The following VASN variants were observed in gnomAD, a reference collection of about 807,000 sequenced individuals.
VASN encodes vasorin, also known as protein slit-like 2.
In VASN, 5 loss-of-function variants were observed where a neutral mutation model predicts 4.8. The observed-to-expected ratio is 1.03, with a 90% CI of 0.54 to 2.17. VASN has a LOEUF of 2.17. Among genes scored for constraint, VASN ranks in the 30% most tolerant of loss-of-function variants. The pLI is 0.01. For missense variants in VASN, 927 were observed against 948.8 expected, an observed-to-expected ratio of 0.98 and a Z score of 0.30; for synonymous variants, 499 against 460.8, an observed-to-expected ratio of 1.08 and a Z score of -1.06.
chr16:4,374,625 CG>C (rs1475068272), intron 1 of VASN, among the ~76,000 whole-genome samples: 1 of 152,004 alleles, frequency 6.6e-6, no homozygotes, highest in African/African-American at 2.4e-5. Flanking sequence ...GAGAGCAGTG[CG>C]GGGGCAGGGT....
In VASN at chr16:4,382,203, G is replaced by A; in HGVS notation, c.1326G>A (p.Glu442=). The part of the protein sequence containing the change: ...CPEGFTGLYC[E]SQMGQGTRPS... Reference sequence around the variant, plus strand: ...AAGGCTTCACGGGCCTGTACTGTGAGAGCCAGATGGGGCAGGGGACACGGC... The same window carrying A: ...AAGGCTTCACGGGCCTGTACTGTGAAAGCCAGATGGGGCAGGGGACACGGC... The change falls in exon 2 of 2, where the codon GAG becomes GAA. Residue 442 remains glutamate (E), a synonymous_variant. Coordinates refer to ENST00000304735, the MANE Select transcript of VASN (RefSeq NM_138440.3). 6.2e-7 allele frequency: 1 copy of A among 1,602,938 alleles called. No individual in the cohort carries two copies.
chr16:4,372,210 G>C (rs2054561199), intron 1 of VASN, among the ~76,000 whole-genome samples: 1 of 152,124 alleles, frequency 6.6e-6, no homozygotes, highest in Non-Finnish European at 1.5e-5. Flanking sequence ...GCCGGCCAGG[G>C]TGCGCGCCTG....
At chr16:4,372,259 T>C (rs2054562994) in intron 1 of VASN, among the ~76,000 whole-genome samples, 1 of 152,138 alleles carries the variant, frequency 6.6e-6, no homozygotes, top group Admixed American at 6.5e-5. Flanking sequence ...GCAGACAAAA[T>C]AAACACCCCG....
At position 4,382,308 on chromosome 16, in the gene VASN, C is replaced by T. The variant is rs777494126; in HGVS notation, c.1431C>T (p.Arg477=). 2 of 1,610,650 alleles carry T rather than the reference C, an allele frequency of 1.2e-6. No individual in the cohort carries two copies. The highest frequency in any genetic ancestry group is 1.7e-5 in the Admixed American group (1 of 59,810). Residue 477 remains arginine (R), a synonymous_variant, in exon 2 of 2, where the codon CGC becomes CGT. Transcript: ENST00000304735. ...GIEPVSPTSL[R]VGLQRYLQGS... is the part of the protein sequence containing the mutation. Reference sequence around the variant, plus strand: ...AGCCGGTGAGCCCCACCTCCCTGCGCGTGGGGCTGCAGCGCTACCTCCAGG... The same window carrying T: ...AGCCGGTGAGCCCCACCTCCCTGCGTGTGGGGCTGCAGCGCTACCTCCAGG...
intron 1 of VASN, among the ~76,000 whole-genome samples, chr16:4,375,663 T>G (rs1409304760): frequency 6.6e-6 from 1 of 152,218 alleles, no homozygotes; most frequent in Non-Finnish European, 1.5e-5. Flanking sequence ...AATTTTTTTG[T>G]ATTTTTAGTA....
chr16:4,377,662 C>A (rs1043705967), intron 1 of VASN, among the ~76,000 whole-genome samples: 6 of 152,212 alleles, frequency 3.9e-5, no homozygotes, highest in Non-Finnish European at 8.8e-5. Context: ...CCTCTCGGGG[C>A]TGGCTGATGG....
intron 1 of VASN, among the ~76,000 whole-genome samples, chr16:4,372,938 C>A (rs1398806077): frequency 6.6e-6 from 1 of 152,160 alleles, no homozygotes; most frequent in Admixed American, 6.5e-5. Flanking sequence ...AGCCCCCTTC[C>A]CCAGGCTGAG....
At position 4,381,102 on chromosome 16, in the gene VASN, G is replaced by A. The variant is rs751136720; in HGVS notation, c.225G>A (p.Leu75=). The change falls in exon 2 of 2, where the codon CTG becomes CTA. Residue 75 remains leucine, a synonymous_variant. Coordinates refer to ENST00000304735, the MANE Select transcript of VASN (RefSeq NM_138440.3). ...TCGACGCAGGCAGCTTTGCCGGCCTGCCGGGCCTGCAGCTCCTGGACCTGT... is the reference window on the plus strand; with the variant it reads ...TCGACGCAGGCAGCTTTGCCGGCCTACCGGGCCTGCAGCTCCTGGACCTGT... ...TMLDAGSFAG[L]PGLQLLDLSQ... 104 of 1,607,558 alleles carry A rather than the reference G, an allele frequency of 6.5e-5. No homozygotes were observed. The highest frequency in any genetic ancestry group is 7.2e-5 in the Non-Finnish European group (85 of 1,177,952).
rs534383988 is a variant in VASN at position 4,381,910 on chromosome 16, G to A, written c.1033G>A (p.Ala345Thr). The A allele has an allele frequency of 4.0e-5, 65 of 1,605,848 alleles. No individual in the cohort carries two copies. Among genetic ancestry groups the A allele is most frequent in the South Asian group, 2.6e-4 (24 of 90,798 alleles). Residue 345 changes from alanine (A) to threonine (T), a missense_variant, in exon 2 of 2, where the codon GCC becomes ACC. Coordinates refer to ENST00000304735, the MANE Select transcript of VASN (RefSeq NM_138440.3). ...AGRLLLELDYADFGCPATTTT... is the reference protein window; with the variant it reads ...AGRLLLELDYTDFGCPATTTT... ...CCGGCTGCTCCTGGAGCTTGACTAC[G>A]CCGACTTTGGCTGCCCAGCCACCAC...
intron 1 of VASN, among the ~76,000 whole-genome samples, chr16:4,378,063 C>T (rs1323105065): frequency 1.3e-5 from 2 of 152,194 alleles, no homozygotes; most frequent in African/African-American, 2.4e-5. Context: ...TATGGCTGGT[C>T]CCCCTCCCCA....
rs771045800 is a variant in VASN at position 4,381,502 on chromosome 16, G to A, written c.625G>A (p.Glu209Lys). ...LAGLGLQQLD[E>K]GLFSRLRNLH... The stretch of plus-strand genomic sequence containing the variant: ...TGGTCTGGGGCTGCAGCAGCTGGAC[G>A]AGGGGCTCTTCAGCCGCTTGCGCAA... The change falls in exon 2 of 2, where the codon GAG becomes AAG. Residue 209 changes from glutamate to lysine, a missense_variant. Physicochemically the swap from Glu to Lys is moderately conservative, Grantham distance 56. Transcript: ENST00000304735. 43 of 1,592,626 alleles carry A rather than the reference G, an allele frequency of 2.7e-5. No individual in the cohort carries two copies. Among genetic ancestry groups the A allele is most frequent in the Non-Finnish European group, 2.7e-5 (32 of 1,171,252 alleles).
chr16:4,372,385 C>T (rs886861), intron 1 of VASN, among the ~76,000 whole-genome samples: 4,688 of 152,332 alleles, frequency 0.031, 226 homozygotes, highest in African/African-American at 0.11. Context: ...TCCTGGGGTC[C>T]GGCAGTAGGT....
At chr16:4,375,488 G>C (rs1016256906) in intron 1 of VASN, among the ~76,000 whole-genome samples, 8 of 151,630 alleles carry the variant, frequency 5.3e-5, no homozygotes, top group African/African-American at 1.7e-4. Context: ...CTCACTCCTA[G>C]ACATTCTTTT....
At position 4,381,137 on chromosome 16, in the gene VASN, A is replaced by G. The variant is rs558651885; in HGVS notation, c.260A>G (p.Gln87Arg). ...GLQLLDLSQN[Q>R]IASLPSGVFQ... is the part of the protein sequence containing the mutation. ...CAGCTCCTGGACCTGTCACAGAACCAGATCGCCAGCCTGCCCAGCGGGGTC... is the reference window on the plus strand; with the variant it reads ...CAGCTCCTGGACCTGTCACAGAACCGGATCGCCAGCCTGCCCAGCGGGGTC... The change falls in exon 2 of 2, where the codon CAG (glutamine) becomes CGG (arginine). Residue 87 changes from glutamine (Q) to arginine (R), a missense_variant. Coordinates refer to ENST00000304735, the MANE Select transcript of VASN (RefSeq NM_138440.3). 107 of 1,610,490 alleles carry G rather than the reference A, an allele frequency of 6.6e-5. 2 individuals carry two copies. The East Asian group carries it at 2.4e-3, about 36-fold the overall frequency.
chr16:4,377,818 C>A (rs1203700744), intron 1 of VASN, among the ~76,000 whole-genome samples: 2 of 152,208 alleles, frequency 1.3e-5, no homozygotes, highest in Non-Finnish European at 2.9e-5. Context: ...CAAAAGAGCT[C>A]ACCGCACATT....
intron 1 of VASN, among the ~76,000 whole-genome samples, chr16:4,375,279 GAAGACCCTGTGCCTGCCCCTCT>G (rs1860276263): frequency 6.6e-6 from 1 of 152,160 alleles, no homozygotes. Context: ...AGGGAGGAGG[GAAGACCCTGTGCCTGCCCCTCT>G]CCCAGCCCTG....
intron 1 of VASN, among the ~76,000 whole-genome samples, chr16:4,379,880 TAA>T (rs34020450): frequency 6.4e-5 from 7 of 109,174 alleles, no homozygotes; most frequent in Admixed American, 1.9e-4. Flanking sequence ...CTGTCTCTAC[TAA>T]AAAAAAAAAA....
Position 4,383,070 on chromosome 16 carries a change from G to GT in VASN, c.*172dup. The GT allele has an allele frequency of 1.4e-6, 1 of 707,954 alleles. No homozygotes were observed. Among genetic ancestry groups the GT allele is most frequent in the Non-Finnish European group, 2.2e-6 (1 of 447,440 alleles). 43.9% of individuals were successfully genotyped at this position (707,954 alleles called of 1,614,324 possible). A position where few individuals can be genotyped will look rare whatever the true frequency, so the allele number is the denominator to read the frequency against. Reference sequence around the variant, plus strand: ...CCTCTGGACCTCGGTCTCCTCATCTGTGAGATGCTGTGGCCCAGCTGACGA... The same window carrying GT: ...CCTCTGGACCTCGGTCTCCTCATCTGTTGAGATGCTGTGGCCCAGCTGACGA... On this transcript the variant is annotated 3_prime_UTR_variant, in exon 2 of 2. Transcript: ENST00000304735.
chr16:4,381,539 T>C lies in VASN; in HGVS notation c.662T>C (p.Leu221Pro). 3 of 1,604,778 alleles carry C rather than the reference T, an allele frequency of 1.9e-6. No individual in the cohort carries two copies. Among genetic ancestry groups the C allele is most frequent in the Non-Finnish European group, 2.5e-6 (3 of 1,176,578 alleles). Residue 221 changes from leucine (L) to proline (P), a missense_variant, in exon 2 of 2, where the codon CTG (leucine) becomes CCG (proline). Leu to Pro is a moderately conservative substitution (Grantham distance 98, BLOSUM62 -3). Transcript: ENST00000304735. ...LFSRLRNLHD[L>P]DVSDNQLERV... ...AGCCGCTTGCGCAACCTCCACGACC[T>C]GGATGTGTCCGACAACCAGCTGGAG...
Sources: gnomAD v4.1 joint callset for allele counts (sites outside exome capture counted in the v4.1 genomes callset) on GRCh38, gnomAD v4.1.1 for gene constraint, MANE v1.5 for transcripts, NCBI Gene and HGNC (gene_info 2026-07-23, HGNC 2026-07-21) for gene names.